MAST2: variants seen among roughly 807,000 people sequenced by gnomAD.
MAST2 encodes microtubule associated serine/threonine kinase 2.
In MAST2, 70 loss-of-function variants were observed where a neutral mutation model predicts 147.4. That is an observed-to-expected ratio of 0.47 (90% CI 0.39 to 0.58). The LOEUF (loss-of-function observed/expected upper bound fraction) is 0.58, where lower values mean the gene tolerates loss of function less well. Among genes scored for constraint, MAST2 ranks in the 20% least tolerant of loss-of-function variants. The probability of loss-of-function intolerance (pLI) is 0.00; values close to 1 mark genes in which losing one functional copy is unlikely to be tolerated. For missense variants in MAST2, 2,080 were observed against 2,302.3 expected, an observed-to-expected ratio of 0.90 and a Z score of 1.98; for synonymous variants, 869 against 896.8, an observed-to-expected ratio of 0.97 and a Z score of 0.55.
At chr1:45,875,642 T>C (rs1261003468) in intron 3 of MAST2, among the ~76,000 whole-genome samples, 2 of 151,806 alleles carry the variant, frequency 1.3e-5, no homozygotes, top group Admixed American at 6.6e-5. Flanking sequence ...TAGAAGTGAA[T>C]TGACAGATTA....
intron 4 of MAST2, among the ~76,000 whole-genome samples, chr1:45,890,660 A>G (rs886829864): frequency 6.6e-6 from 1 of 152,194 alleles, no homozygotes; most frequent in Non-Finnish European, 1.5e-5. Context: ...AAAAGCTTTA[A>G]CATGAATTTT....
rs763407607 is a variant in MAST2 at position 45,829,420 on chromosome 1, C to T, written c.326-19C>T. The T allele has an allele frequency of 6.3e-7, 1 of 1,599,360 alleles. No homozygotes were observed. Among genetic ancestry groups the T allele is most frequent in the Admixed American group, 1.7e-5 (1 of 57,898 alleles). On this transcript the variant is annotated intron_variant, in intron 2 of 28. Transcript: ENST00000361297. The stretch of plus-strand genomic sequence containing the variant: ...CAATAAATAATTACATGTATATTTT[C>T]CAAACCTTGTATTTGAAGGTAAGCA...
At chr1:45,975,493 TCCA>T (rs1455043591) in intron 5 of MAST2, among the ~76,000 whole-genome samples, 3 of 57,568 alleles carry the variant, frequency 5.2e-5, no homozygotes, top group Non-Finnish European at 1.1e-4. Flanking sequence ...TCCCTGTCTC[TCCA>T]AAAAAAAAAA....
intron 1 of MAST2, among the ~76,000 whole-genome samples, chr1:45,813,742 G>A (rs968965936): frequency 2.2e-4 from 33 of 151,874 alleles, no homozygotes; most frequent in African/African-American, 6.3e-4. Flanking sequence ...CAGGTGAGCC[G>A]CCCACCTCGG....
At chr1:45,901,257 T>C (rs1156571006) in intron 4 of MAST2, among the ~76,000 whole-genome samples, 5 of 152,112 alleles carry the variant, frequency 3.3e-5, no homozygotes, top group Admixed American at 3.3e-4. Context: ...TTGAATGGAG[T>C]GTCCTTTCCC....
chr1:46,026,153 ATAT>A, intron 16 of MAST2, among the ~76,000 whole-genome samples: 1 of 152,320 alleles, frequency 6.6e-6, no homozygotes, highest in Middle Eastern at 3.4e-3. Flanking sequence ...TGCCAGCACT[ATAT>A]TGTGGGTTTT....
At chr1:45,904,047 C>A (rs1650241689) in intron 4 of MAST2, among the ~76,000 whole-genome samples, 1 of 152,182 alleles carries the variant, frequency 6.6e-6, no homozygotes, top group South Asian at 2.1e-4. Context: ...GTTGGCTAAG[C>A]TGGAATGCAG....
chr1:45,923,730 GT>G (rs1335179328), intron 4 of MAST2, among the ~76,000 whole-genome samples: 2 of 152,136 alleles, frequency 1.3e-5, no homozygotes, highest in Non-Finnish European at 2.9e-5. Context: ...AACCAAAGTA[GT>G]TTTTGCAGCC....
At chr1:45,902,013 A>G (rs565816094) in intron 4 of MAST2, among the ~76,000 whole-genome samples, 9 of 152,190 alleles carry the variant, frequency 5.9e-5, no homozygotes, top group South Asian at 4.1e-4. Flanking sequence ...TTCCAGTACT[A>G]TGTGGAATAG....
intron 4 of MAST2, among the ~76,000 whole-genome samples, chr1:45,904,614 T>C (rs1452565647): frequency 2.0e-5 from 3 of 151,978 alleles, no homozygotes; most frequent in Non-Finnish European, 4.4e-5. Context: ...TATAGACACA[T>C]GCCACCATAC....
intron 5 of MAST2, among the ~76,000 whole-genome samples, chr1:45,996,863 A>T (rs1261991526): frequency 6.6e-6 from 1 of 152,196 alleles, no homozygotes; most frequent in Non-Finnish European, 1.5e-5. Flanking sequence ...GCGCATGTTG[A>T]AGTACCAGGC....
In MAST2 at chr1:45,900,767, T is replaced by A. The variant is rs1229142265; in HGVS notation, c.500+18372T>A. Among the ~76,000 whole-genome samples, 2 of 151,520 alleles carry A rather than the reference T, an allele frequency of 1.3e-5. 1 individual carries two copies. The highest frequency in any genetic ancestry group is 2.9e-5 in the Non-Finnish European group (2 of 67,920). Reference sequence around the variant, plus strand: ...GGCGTGAGCCACCGCGCCCGGCCGATGTTGGATATTTTTTTCATGAGTTTG... The same window carrying A: ...GGCGTGAGCCACCGCGCCCGGCCGAAGTTGGATATTTTTTTCATGAGTTTG... On this transcript the variant is annotated intron_variant, in intron 4 of 28. Transcript: ENST00000361297.
chr1:45,866,586 GTC>G (rs1646160000), intron 3 of MAST2, among the ~76,000 whole-genome samples: 2 of 152,152 alleles, frequency 1.3e-5, no homozygotes, highest in African/African-American at 4.8e-5. Flanking sequence ...TGATGCCTGA[GTC>G]AGTCTCTAGT....
Position 46,023,242 on chromosome 1 carries a change from G to A in MAST2, c.1495G>A (p.Ala499Thr), listed in dbSNP as rs199547415. 2 of 1,613,918 alleles carry A rather than the reference G, an allele frequency of 1.2e-6. No individual in the cohort carries two copies. The highest frequency in any genetic ancestry group is 1.7e-5 in the Admixed American group (1 of 60,014). ...TTCCCTTGTCTTCCAGGGCCATGGG[G>A]CATCTCTGCCATCTAAAAAGACACC... Reference protein sequence around the residue: ...ETDDSIEGHGASLPSKKTPSE... With the variant: ...ETDDSIEGHGTSLPSKKTPSE... Residue 499 changes from alanine to threonine, a missense_variant, in exon 14 of 29, where the codon GCA becomes ACA. By Grantham distance (58) the Ala-to-Thr change is moderately conservative (BLOSUM62 0). This residue lies in a region of MAST2 where 569 missense variants were observed against 642.5 expected (regional missense o/e 0.89). Coordinates refer to ENST00000361297, the MANE Select transcript of MAST2 (RefSeq NM_015112.3). This position sits in a 1 kb window ranked among gnomAD's most constrained non-coding sequence, Gnocchi z 4.9.
At chr1:45,855,801 A>AT (rs1645770250) in intron 3 of MAST2, among the ~76,000 whole-genome samples, 1 of 151,826 alleles carries the variant, frequency 6.6e-6, no homozygotes, top group Non-Finnish European at 1.5e-5. Flanking sequence ...GGACAGTTTT[A>AT]TTTTTTCCAA....
chr1:45,930,988 T>A (rs1011965115), intron 4 of MAST2, among the ~76,000 whole-genome samples: 12 of 152,246 alleles, frequency 7.9e-5, no homozygotes, highest in African/African-American at 2.9e-4. Context: ...TCATCAGCCC[T>A]GAACACTTTA....
rs144221137 is a variant in MAST2 at position 45,827,590 on chromosome 1, A to G, written c.326-1849A>G. 3.9e-5 allele frequency among the ~76,000 whole-genome samples: 6 copies of G among 152,290 alleles called. No individual in the cohort carries two copies. The East Asian group carries it at 1.2e-3, about 29-fold the overall frequency. On this transcript the variant is annotated intron_variant, in intron 2 of 28. Transcript: ENST00000361297. Reference sequence around the variant, plus strand: ...GAAATGCACATTTGCAGAATGAAGGAAAGAAGGCAGGCAGGCTCTACTCTG... The same window carrying G: ...GAAATGCACATTTGCAGAATGAAGGGAAGAAGGCAGGCAGGCTCTACTCTG...
intron 4 of MAST2, among the ~76,000 whole-genome samples, chr1:45,886,546 T>G (rs576231286): frequency 3.7e-4 from 56 of 152,264 alleles, no homozygotes; most frequent in African/African-American, 1.3e-3. Flanking sequence ...GAAAGCTATT[T>G]CATATTTAAA....
At chr1:45,996,895 G>C (rs1244477321) in intron 5 of MAST2, among the ~76,000 whole-genome samples, 1 of 152,168 alleles carries the variant, frequency 6.6e-6, no homozygotes, top group Non-Finnish European at 1.5e-5. Context: ...AAGCACAGAA[G>C]TGAGGAGGTG....
Sources: allele counts gnomAD v4.1 joint callset (sites outside exome capture counted in the v4.1 genomes callset), GRCh38; gene constraint gnomAD v4.1.1; regional missense constraint gnomAD v4.1.1; non-coding constraint Gnocchi (gnomAD v3.1); transcripts MANE v1.5; gene names NCBI Gene and HGNC (gene_info 2026-07-23, HGNC 2026-07-21).